The following LTBP1 variants were observed in gnomAD, a reference collection of about 807,000 sequenced individuals.
LTBP1 encodes the protein latent-transforming growth factor beta-binding protein 1.
A neutral mutation model predicts 207.6 loss-of-function variants in LTBP1; 129 were observed. The observed-to-expected ratio is 0.62, with a 90% CI of 0.54 to 0.72. LTBP1 has a LOEUF of 0.72. LTBP1 is among the 30% of genes least tolerant of loss of function. The probability of loss-of-function intolerance (pLI) is 0.00; values close to 1 mark genes in which losing one functional copy is unlikely to be tolerated. For synonymous variants in LTBP1, 963 were observed against 833.7 expected, an observed-to-expected ratio of 1.16 and a Z score of -2.67; for missense variants, 2,281 against 2,217.2, an observed-to-expected ratio of 1.03 and a Z score of -0.58.
chr2:33,235,148 C>T (rs763759350), intron 9 of LTBP1, among the ~76,000 whole-genome samples: 4 of 152,044 alleles, frequency 2.6e-5, no homozygotes, highest in Non-Finnish European at 5.9e-5. Context: ...TGCAGTCTAT[C>T]CATCTGACAA....
At chr2:33,300,287 T>C (rs1160054103) in intron 20 of LTBP1, among the ~76,000 whole-genome samples, 164 bp from the exon 21 acceptor site, 1 of 152,190 alleles carries the variant, frequency 6.6e-6, no homozygotes, top group Non-Finnish European at 1.5e-5. Flanking sequence ...TATACTGAGG[T>C]TGATACAACA....
chr2:33,038,966 G>A (rs961355526), intron 3 of LTBP1, among the ~76,000 whole-genome samples: 14 of 152,292 alleles, frequency 9.2e-5, no homozygotes, highest in Middle Eastern at 3.4e-3. Context: ...GGACATCTGC[G>A]CTCAGGGCTC....
At chr2:33,008,268 AT>A (rs1302818589) in intron 2 of LTBP1, among the ~76,000 whole-genome samples, 2 of 152,270 alleles carry the variant, frequency 1.3e-5, no homozygotes, top group African/African-American at 4.8e-5. Context: ...CAAAGTAAAA[AT>A]AATGTAAGTT....
chr2:33,121,174 T>C (rs1177841447), intron 4 of LTBP1, among the ~76,000 whole-genome samples: 19 of 148,192 alleles, frequency 1.3e-4, no homozygotes, highest in Admixed American at 1.1e-3. Flanking sequence ...TTTTTTTTTT[T>C]TTTTTTTTTA....
intron 3 of LTBP1, among the ~76,000 whole-genome samples, chr2:33,040,518 A>C (rs2076131912): frequency 6.6e-6 from 1 of 152,204 alleles, no homozygotes; most frequent in African/African-American, 2.4e-5. Context: ...CACAGAACCT[A>C]AACTCATTTC....
At chr2:33,391,873 T>C (rs1392588493) in intron 32 of LTBP1, among the ~76,000 whole-genome samples, 1 of 152,206 alleles carries the variant, frequency 6.6e-6, no homozygotes, top group Non-Finnish European at 1.5e-5. Flanking sequence ...TTTAGCAACA[T>C]AGGAAATTGA....
At chr2:33,215,611 C>CTA (rs2090613068) in intron 7 of LTBP1, among the ~76,000 whole-genome samples, 1 of 152,040 alleles carries the variant, frequency 6.6e-6, no homozygotes, top group Non-Finnish European at 1.5e-5. Flanking sequence ...CTGGTGTCTA[C>CTA]TACTTGCTGT....
At chr2:33,044,506 G>A (rs1297953683) in intron 3 of LTBP1, among the ~76,000 whole-genome samples, 1 of 152,136 alleles carries the variant, frequency 6.6e-6, no homozygotes, top group African/African-American at 2.4e-5. Context: ...TCTTTATCCA[G>A]TCTATCATTG....
intron 9 of LTBP1, 35 bp downstream of exon 9, chr2:33,222,186 C>T: frequency 1.3e-6 from 2 of 1,509,118 alleles, no homozygotes; most frequent in Non-Finnish European, 1.8e-6. Flanking sequence ...GTGGACTCAA[C>T]AGTTGTTTTG....
intron 11 of LTBP1, among the ~76,000 whole-genome samples, chr2:33,254,675 C>A (rs1201929442): frequency 6.9e-6 from 1 of 143,966 alleles, no homozygotes; most frequent in Non-Finnish European, 1.5e-5. Flanking sequence ...TATACATGTG[C>A]CATATTGGTG....
At chr2:32,957,001 A>G (rs1051374145) in intron 2 of LTBP1, among the ~76,000 whole-genome samples, 21 of 152,228 alleles carry the variant, frequency 1.4e-4, no homozygotes, top group African/African-American at 4.8e-4. Context: ...CAGTGGGGTT[A>G]AAACATTCAG....
chr2:33,189,604 C>T (rs1468949673), intron 7 of LTBP1, among the ~76,000 whole-genome samples: 3 of 152,126 alleles, frequency 2.0e-5, no homozygotes, highest in South Asian at 2.1e-4. Flanking sequence ...ATATATATTC[C>T]GCAAAGATGC....
chr2:33,381,177 T>C (rs950058371), intron 31 of LTBP1, among the ~76,000 whole-genome samples: 1 of 152,216 alleles, frequency 6.6e-6, no homozygotes, highest in African/African-American at 2.4e-5. Context: ...ACTTAATATA[T>C]TTCCTATGCC....
intron 5 of LTBP1, among the ~76,000 whole-genome samples, chr2:33,147,087 T>C (rs1429356951): frequency 6.6e-6 from 1 of 152,208 alleles, no homozygotes. Context: ...ATGCCTGCCT[T>C]CTTCAATCCC....
Position 33,102,024 on chromosome 2 carries a change from A to G in LTBP1, c.864-8558A>G, listed in dbSNP as rs1472858749. Among the ~76,000 whole-genome samples the G allele has an allele frequency of 2.0e-5, 3 of 152,284 alleles. No homozygotes were observed. The East Asian group carries it at 5.8e-4, about 29-fold the overall frequency. ...AGAGGATATGTCTTGTGTCCAGGCA[A>G]CTTGAGTATAGGGCCACCTCTCTGG... On this transcript the variant is annotated intron_variant, in intron 3 of 33. Transcript: ENST00000404816.
At chr2:33,271,023 T>C (rs138650127) in intron 15 of LTBP1, among the ~76,000 whole-genome samples, 149 of 152,326 alleles carry the variant, frequency 9.8e-4, no homozygotes, top group African/African-American at 3.4e-3. Context: ...AGAGCTGACT[T>C]TTGAGAAGAA....
chr2:33,069,286 G>A (rs899423494), intron 3 of LTBP1, among the ~76,000 whole-genome samples: 7 of 151,838 alleles, frequency 4.6e-5, no homozygotes, highest in South Asian at 2.1e-4. Context: ...CTCCCTCCCC[G>A]CCCCACTCCA....
Position 33,275,076 on chromosome 2 carries a change from G to A in LTBP1, c.2855G>A (p.Gly952Asp), listed in dbSNP as rs530602921. 1.2e-5 allele frequency: 20 copies of A among 1,613,866 alleles called. No homozygotes were observed. The highest frequency in any genetic ancestry group is 7.7e-5 in the South Asian group (7 of 91,070). The change falls in exon 17 of 34, where the codon GGT becomes GAT. Residue 952 changes from glycine to aspartate, a missense_variant. Gly to Asp is a moderately conservative substitution (Grantham distance 94). This residue lies in a region of LTBP1 where 1,671 missense variants were observed against 1,634.8 expected (regional missense o/e 1.02). Coordinates refer to ENST00000404816, the MANE Select transcript of LTBP1 (RefSeq NM_206943.4). ...GCAGGATTTATGGCCAGTGAGGAGG[G>A]TACTAACTGCATAGGTAATGGCAGC... ...CPAGFMASEEGTNCIDVDECL... is the reference protein window; with the variant it reads ...CPAGFMASEEDTNCIDVDECL...
chr2:33,227,220 T>C (rs1350165514), intron 9 of LTBP1, among the ~76,000 whole-genome samples: 3 of 152,004 alleles, frequency 2.0e-5, no homozygotes, highest in Admixed American at 2.0e-4. Context: ...AGAGATGGGG[T>C]TTCACCATGT....
Sources: allele counts gnomAD v4.1 joint callset (sites outside exome capture counted in the v4.1 genomes callset), GRCh38; gene constraint gnomAD v4.1.1; regional missense constraint gnomAD v4.1.1; transcripts MANE v1.5; gene names NCBI Gene and HGNC (gene_info 2026-07-23, HGNC 2026-07-21).